The following OLFM3 variants were observed in gnomAD, a reference collection of about 807,000 sequenced individuals.
OLFM3 encodes olfactomedin 3.
Under a neutral mutation model 48.6 loss-of-function variants are expected in OLFM3, and 20 were observed. The ratio of observed to expected loss-of-function variants is 0.41; its 90% CI spans 0.29 to 0.60. OLFM3 has a LOEUF of 0.60. OLFM3 is among the 20% of genes least tolerant of loss of function. OLFM3 has a pLI of 0.28. For missense variants in OLFM3, 437 were observed against 544.3 expected (o/e 0.80, Z 1.96); for synonymous variants, 222 against 198.1 (o/e 1.12, Z -1.01).
intron 1 of OLFM3, among the ~76,000 whole-genome samples, chr1:101,908,642 A>G (rs1658636692): frequency 6.6e-6 from 1 of 152,228 alleles, no homozygotes; most frequent in African/African-American, 2.4e-5. Context: ...ATTTGGAAAA[A>G]GGATCTGTGG....
intron 1 of OLFM3, among the ~76,000 whole-genome samples, chr1:101,878,123 T>C (rs1232387067): frequency 3.3e-5 from 5 of 151,876 alleles, no homozygotes; most frequent in Admixed American, 3.3e-4. Flanking sequence ...ACCTTGAGAC[T>C]CTGAAAGTGG....
At chr1:101,989,942 C>T (rs1661353558) in intron 1 of OLFM3, among the ~76,000 whole-genome samples, 1 of 152,174 alleles carries the variant, frequency 6.6e-6, no homozygotes, top group Non-Finnish European at 1.5e-5. Flanking sequence ...AGAATGTAAA[C>T]TACTTTCTCA....
chr1:101,982,304 T>C (rs1034077815), intron 1 of OLFM3, among the ~76,000 whole-genome samples: 1 of 152,122 alleles, frequency 6.6e-6, no homozygotes, highest in East Asian at 1.9e-4. Context: ...CATGGAGACC[T>C]TGAGGTAAGA....
intron 4 of OLFM3, among the ~76,000 whole-genome samples, chr1:101,811,579 T>C (rs1362488156): frequency 6.6e-6 from 1 of 152,082 alleles, no homozygotes; most frequent in Non-Finnish European, 1.5e-5. Context: ...AACAGACATA[T>C]GAAAAAATGC....
At chr1:101,966,340 TGTGTGTGTGTGC>T (rs1264919053) in intron 1 of OLFM3, among the ~76,000 whole-genome samples, 8 of 142,886 alleles carry the variant, frequency 5.6e-5, no homozygotes, top group South Asian at 4.3e-4. Context: ...TGTGTGTGTG[TGTGTGTGTGTGC>T]GCTACAGATA....
At chr1:101,927,551 T>C (rs1361867890) in intron 1 of OLFM3, among the ~76,000 whole-genome samples, 1 of 151,930 alleles carries the variant, frequency 6.6e-6, no homozygotes, top group African/African-American at 2.4e-5. Flanking sequence ...AAAGGACTGT[T>C]TGGCTTTTCT....
At chr1:101,806,265 G>T in intron 4 of OLFM3, 83 bp from the exon 5 acceptor site, 1 of 1,023,160 alleles carries the variant, frequency 9.8e-7, no homozygotes, top group Non-Finnish European at 1.5e-6. Context: ...GCAAAGAAGG[G>T]GATCATAAAA....
intron 1 of OLFM3, among the ~76,000 whole-genome samples, chr1:101,870,985 A>G (rs1348370678): frequency 6.6e-6 from 1 of 152,108 alleles, no homozygotes; most frequent in Non-Finnish European, 1.5e-5. Flanking sequence ...AAGATCCTGT[A>G]TTTCTAATTC....
At chr1:101,992,112 G>A (rs1661428107) in intron 1 of OLFM3, among the ~76,000 whole-genome samples, 2 of 152,104 alleles carry the variant, frequency 1.3e-5, no homozygotes, top group South Asian at 4.1e-4. Flanking sequence ...ATCAATAGAA[G>A]AGGTAGGGTC....
chr1:101,931,651 A>G (rs937987607), intron 1 of OLFM3, among the ~76,000 whole-genome samples: 3 of 152,244 alleles, frequency 2.0e-5, no homozygotes, highest in African/African-American at 7.2e-5. Flanking sequence ...ATGCCTGATT[A>G]TTAATGGGAA....
chr1:101,812,875 A>G, intron 4 of OLFM3: 1 of 994,604 alleles, frequency 1.0e-6, no homozygotes, highest in Non-Finnish European at 1.2e-6. Context: ...CATACCTTAG[A>G]AAGCAAACTT....
intron 4 of OLFM3, among the ~76,000 whole-genome samples, chr1:101,817,664 A>G (rs1654402039): frequency 2.2e-5 from 1 of 45,166 alleles, no homozygotes; most frequent in Admixed American, 2.2e-4. Context: ...TCCTGCACTA[A>G]TAGCTCTGGA....
chr1:101,808,863 C>A (rs996284331), intron 4 of OLFM3, among the ~76,000 whole-genome samples: 1 of 151,710 alleles, frequency 6.6e-6, no homozygotes, highest in Non-Finnish European at 1.5e-5. Context: ...AAAACCAGGG[C>A]TCCCCACAGA....
chr1:101,992,541 T>C (rs1418724369), intron 1 of OLFM3, among the ~76,000 whole-genome samples: 4 of 152,106 alleles, frequency 2.6e-5, no homozygotes, highest in Non-Finnish European at 5.9e-5. Flanking sequence ...GAAGAGGATG[T>C]CTCTAGCGCA....
At chr1:101,973,071 GCTGTATTAGGGTCTTCAGA>G (rs1660853397) in intron 1 of OLFM3, among the ~76,000 whole-genome samples, 1 of 152,180 alleles carries the variant, frequency 6.6e-6, no homozygotes. Context: ...GTGCTATGGG[GCTGTATTAGGGTCTTCAGA>G]AAAACAGAAC....
At chr1:101,993,046 T>C (rs1363025588) in intron 1 of OLFM3, among the ~76,000 whole-genome samples, 3 of 152,150 alleles carry the variant, frequency 2.0e-5, no homozygotes, top group Non-Finnish European at 2.9e-5. Context: ...TGATAGGGCA[T>C]TTTCTGATAT....
chr1:101,875,647 T>C (rs1470739593), intron 1 of OLFM3, among the ~76,000 whole-genome samples: 1 of 128,668 alleles, frequency 7.8e-6, no homozygotes, highest in East Asian at 2.1e-4. Flanking sequence ...CTACAGTCCC[T>C]ATGCTGAACT....
At chr1:101,829,992 A>G (rs1206859279) in intron 3 of OLFM3, among the ~76,000 whole-genome samples, 8 of 149,676 alleles carry the variant, frequency 5.3e-5, no homozygotes, top group Admixed American at 1.3e-4. Context: ...CCACCACCAC[A>G]CCCGGCTAAT....
At position 101,992,078 on chromosome 1, in the gene OLFM3, C is replaced by T. The variant is rs187410122; in HGVS notation, c.69+4670G>A. 2.0e-5 allele frequency among the ~76,000 whole-genome samples: 3 copies of T among 152,094 alleles called. No homozygotes were observed. In the East Asian group the frequency reaches 5.8e-4, roughly 29 times the overall value. ...GTATGGGCATGAAAATCACAGCTTCCCCAAAGTCACATCTATGTATATCAT... is the reference window on the plus strand; with the variant it reads ...GTATGGGCATGAAAATCACAGCTTCTCCAAAGTCACATCTATGTATATCAT... On this transcript the variant is annotated intron_variant, in intron 1 of 5. Coordinates refer to ENST00000370103, the MANE Select transcript of OLFM3 (RefSeq NM_058170.4).
Sources: allele counts gnomAD v4.1 joint callset (sites outside exome capture counted in the v4.1 genomes callset), GRCh38; gene constraint gnomAD v4.1.1; transcripts MANE v1.5; gene names NCBI Gene and HGNC (gene_info 2026-07-23, HGNC 2026-07-21).